MYBL2: variants seen among roughly 807,000 people sequenced by gnomAD.
MYBL2 encodes myb-related protein B.
In MYBL2, 28 loss-of-function variants were observed where a neutral mutation model predicts 79.9. The observed-to-expected ratio is 0.35, with a 90% CI of 0.26 to 0.48. The LOEUF is 0.48. Among genes scored for constraint, MYBL2 ranks in the 20% least tolerant of loss-of-function variants. The probability of loss-of-function intolerance (pLI) is 0.99; values close to 1 mark genes in which losing one functional copy is unlikely to be tolerated. For synonymous variants in MYBL2, 378 were observed against 361.2 expected, an observed-to-expected ratio of 1.05 and a Z score of -0.53; for missense variants, 735 against 893.9, an observed-to-expected ratio of 0.82 and a Z score of 2.27.
Position 43,716,234 on chromosome 20 carries a change from A to T in MYBL2, c.*147A>T. ...CCCCAGACTCTCAGGTGGAGGCAAC[A>T]GGGCCATGTGCTGCCCTGTTGCCGA... On this transcript the variant is annotated 3_prime_UTR_variant, in exon 14 of 14. Transcript: ENST00000217026. 4.7e-4 allele frequency: 565 copies of T among 1,205,130 alleles called. No homozygotes were observed. Among genetic ancestry groups the T allele is most frequent in the East Asian group, 1.8e-3 (63 of 35,330 alleles). The allele number at this position is 1,205,130 out of a possible 1,614,324, so 74.7% of individuals were successfully genotyped here.
At chr20:43,686,706 C>T in intron 4 of MYBL2, 146 bp from the exon 5 acceptor site, 1 of 729,878 alleles carries the variant, frequency 1.4e-6, no homozygotes, top group East Asian at 2.7e-5. Flanking sequence ...TGGGTGGCAT[C>T]CCCTGCAGCT....
At chr20:43,692,562 A>G (rs1393563849) in intron 6 of MYBL2, among the ~76,000 whole-genome samples, 1 of 152,166 alleles carries the variant, frequency 6.6e-6, no homozygotes, top group African/African-American at 2.4e-5. Flanking sequence ...CTCAGCCTCC[A>G]TCTCTCCTTG....
chr20:43,702,280 CAG>C (rs1197691151), intron 7 of MYBL2, among the ~76,000 whole-genome samples: 1 of 152,160 alleles, frequency 6.6e-6, no homozygotes, highest in Non-Finnish European at 1.5e-5. Flanking sequence ...GCGTAGGCAA[CAG>C]AGTGAAACCC....
At chr20:43,700,936 G>A (rs963021096) in intron 7 of MYBL2, among the ~76,000 whole-genome samples, 4 of 152,218 alleles carry the variant, frequency 2.6e-5, no homozygotes, top group African/African-American at 9.6e-5. Flanking sequence ...GCCGGAGCCA[G>A]TGCTTAATGA....
At chr20:43,681,044 A>G (rs1330951588) in intron 2 of MYBL2, among the ~76,000 whole-genome samples, 1 of 152,136 alleles carries the variant, frequency 6.6e-6, no homozygotes, top group African/African-American at 2.4e-5. Context: ...ATCATACGGC[A>G]TGTACCCTCC....
chr20:43,706,834 G>A (rs1310920791), intron 9 of MYBL2, among the ~76,000 whole-genome samples: 1 of 148,838 alleles, frequency 6.7e-6, no homozygotes, highest in African/African-American at 2.5e-5. Flanking sequence ...TCCTGCCTCA[G>A]CCTCCTGAGT....
intron 8 of MYBL2, among the ~76,000 whole-genome samples, chr20:43,703,807 C>T (rs1013041366): frequency 6.6e-6 from 1 of 151,924 alleles, no homozygotes; most frequent in Non-Finnish European, 1.5e-5. Context: ...GGCTGCTTAA[C>T]AGAGTACCAC....
At chr20:43,705,455 A>G in intron 9 of MYBL2, 97 bp downstream of exon 9, 3 of 1,380,382 alleles carry the variant, frequency 2.2e-6, no homozygotes, top group Non-Finnish European at 1.9e-6. Context: ...GGGAGGGGGC[A>G]CCCTTGGAAT....
At chr20:43,698,534 C>CGGT (rs1987609391) in intron 6 of MYBL2, among the ~76,000 whole-genome samples, 1 of 151,236 alleles carries the variant, frequency 6.6e-6, no homozygotes, top group South Asian at 2.1e-4. Context: ...CCTGCCACCA[C>CGGT]ACCTGGCTAA....
intron 4 of MYBL2, among the ~76,000 whole-genome samples, chr20:43,683,790 G>A (rs1338744841): frequency 6.6e-6 from 1 of 151,834 alleles, no homozygotes. Context: ...TCCTGACCTC[G>A]TGATCTACCC....
At chr20:43,673,980 C>A in intron 2 of MYBL2, 81 bp downstream of exon 2, 2 of 1,237,902 alleles carry the variant, frequency 1.6e-6, no homozygotes, top group South Asian at 1.3e-5. Context: ...TTTGATGTCT[C>A]ATCAGATGGG....
chr20:43,677,838 C>CA (rs1987046669), intron 2 of MYBL2, among the ~76,000 whole-genome samples: 1 of 152,154 alleles, frequency 6.6e-6, no homozygotes, highest in Non-Finnish European at 1.5e-5. Flanking sequence ...GCCATGATGA[C>CA]AATGGCAGTT....
chr20:43,716,206 C>T lies in MYBL2; in HGVS notation c.*119C>T. 6.7e-7 allele frequency: 1 copy of T among 1,496,854 alleles called. No individual in the cohort carries two copies. The highest frequency in any genetic ancestry group is 9.0e-7 in the Non-Finnish European group (1 of 1,108,166). The allele number at this position is 1,496,854 out of a possible 1,614,324, so 92.7% of individuals were successfully genotyped here. ...TGCAGGGAGCCTTCTGCCACCAGCCCCTCCCCAGACTCTCAGGTGGAGGCA... is the reference window on the plus strand; with the variant it reads ...TGCAGGGAGCCTTCTGCCACCAGCCTCTCCCCAGACTCTCAGGTGGAGGCA... On this transcript the variant is annotated 3_prime_UTR_variant, in exon 14 of 14. Coordinates refer to ENST00000217026, the MANE Select transcript of MYBL2 (RefSeq NM_002466.4).
chr20:43,669,280 G>A (rs1446186174), intron 1 of MYBL2, among the ~76,000 whole-genome samples: 3 of 152,218 alleles, frequency 2.0e-5, no homozygotes, highest in Admixed American at 2.0e-4. Context: ...CGGGATTACA[G>A]GTGTGAGCCA....
chr20:43,677,080 A>G (rs1341594653), intron 2 of MYBL2, among the ~76,000 whole-genome samples: 1 of 152,164 alleles, frequency 6.6e-6, no homozygotes, highest in Non-Finnish European at 1.5e-5. Context: ...TGTGAGTGGT[A>G]AACTCCTTTT....
At chr20:43,707,599 G>A (rs989949713) in intron 9 of MYBL2, among the ~76,000 whole-genome samples, 1 of 151,970 alleles carries the variant, frequency 6.6e-6, no homozygotes, top group Non-Finnish European at 1.5e-5. Flanking sequence ...TCGCCATATT[G>A]GCCAGGCTGG....
At chr20:43,709,648 C>A (rs73276084) in intron 9 of MYBL2, among the ~76,000 whole-genome samples, 1,923 of 152,302 alleles carry the variant, frequency 0.013, 48 homozygotes, top group African/African-American at 0.044. Flanking sequence ...CACCTTGCTC[C>A]GTGCCCCCTC....
intron 2 of MYBL2, among the ~76,000 whole-genome samples, chr20:43,674,681 A>G (rs1600541863): frequency 2.6e-5 from 4 of 152,038 alleles, no homozygotes; most frequent in Admixed American, 2.6e-4. Context: ...GGCGTGAGCC[A>G]CTGCACCCGG....
At chr20:43,676,175 T>C (rs1217154802) in intron 2 of MYBL2, among the ~76,000 whole-genome samples, 1 of 152,114 alleles carries the variant, frequency 6.6e-6, no homozygotes, top group Non-Finnish European at 1.5e-5. Flanking sequence ...CACTTCAGCC[T>C]CCTGAAGTGC....
Sources: allele counts gnomAD v4.1 joint callset (sites outside exome capture counted in the v4.1 genomes callset), GRCh38; gene constraint gnomAD v4.1.1; transcripts MANE v1.5; gene names NCBI Gene and HGNC (gene_info 2026-07-23, HGNC 2026-07-21).